Variants in AGBL4 observed in about 807,000 individuals in gnomAD.
The protein encoded by AGBL4 is AGBL carboxypeptidase 4, also known as cytosolic carboxypeptidase 6.
AGBL4 carries 58 observed loss-of-function variants against 66.4 expected under a neutral mutation model. The observed-to-expected ratio is 0.87, with a 90% CI of 0.71 to 1.09. The LOEUF is 1.09. Among genes scored for constraint, AGBL4 ranks in the 50% least tolerant of loss-of-function variants. The probability of loss-of-function intolerance (pLI) is 0.00; values close to 1 mark genes in which losing one functional copy is unlikely to be tolerated. For missense variants in AGBL4, 579 were observed against 631.0 expected (o/e 0.92, Z 0.88); for synonymous variants, 234 against 222.9 (o/e 1.05, Z -0.44).
At chr1:49,980,338 A>G (rs1658957411) in intron 1 of AGBL4, among the ~76,000 whole-genome samples, 1 of 152,240 alleles carries the variant, frequency 6.6e-6, no homozygotes, top group Non-Finnish European at 1.5e-5. Context: ...TCATATTATC[A>G]TGCAACAGAT....
intron 3 of AGBL4, among the ~76,000 whole-genome samples, chr1:49,417,084 C>A (rs1645442977): frequency 6.6e-6 from 1 of 151,974 alleles, no homozygotes; most frequent in African/African-American, 2.4e-5. Flanking sequence ...ACATGTGTTA[C>A]AATTGACAAT....
intron 5 of AGBL4, among the ~76,000 whole-genome samples, chr1:48,885,378 T>C (rs1465649656): frequency 6.6e-6 from 1 of 152,174 alleles, no homozygotes; most frequent in African/African-American, 2.4e-5. Context: ...GTTTAAAATA[T>C]TTACTCTATT....
intron 11 of AGBL4, chr1:48,585,640 T>C (rs1448713135): frequency 1.3e-5 from 2 of 152,236 alleles, no homozygotes; most frequent in African/African-American, 4.8e-5. Context: ...TCAGTCTTGA[T>C]GACTGTACAT....
chr1:49,741,386 C>A (rs1335030582), intron 2 of AGBL4, among the ~76,000 whole-genome samples: 4 of 152,012 alleles, frequency 2.6e-5, no homozygotes, highest in Non-Finnish European at 5.9e-5. Context: ...CAATAACAGG[C>A]TCTGAAATTG....
At chr1:49,415,331 C>G (rs1403467996) in intron 3 of AGBL4, among the ~76,000 whole-genome samples, 1 of 152,066 alleles carries the variant, frequency 6.6e-6, no homozygotes. Flanking sequence ...TAATTGATTG[C>G]TTTAAAATAT....
chr1:49,958,068 C>A (rs985266547), intron 1 of AGBL4, among the ~76,000 whole-genome samples: 1 of 152,012 alleles, frequency 6.6e-6, no homozygotes, highest in African/African-American at 2.4e-5. Context: ...GTGACAAAAT[C>A]TCTCAGCATT....
At chr1:48,986,303 A>G (rs1191383196) in intron 5 of AGBL4, among the ~76,000 whole-genome samples, 3 of 152,098 alleles carry the variant, frequency 2.0e-5, no homozygotes, top group Non-Finnish European at 2.9e-5. Flanking sequence ...AAACTGGCTG[A>G]TTAAAGAAAC....
At chr1:48,525,326 C>G in the AGBL4 span, among the ~76,000 whole-genome samples, 1,428 of 152,252 alleles carry the variant, frequency 9.4e-3, 14 homozygotes, top group Middle Eastern at 0.014. Context: ...CCAGGAAAGA[C>G]TTCCTGAAGG....
At chr1:48,898,882 G>GCGTC (rs1428411371) in intron 5 of AGBL4, among the ~76,000 whole-genome samples, 1 of 152,192 alleles carries the variant, frequency 6.6e-6, no homozygotes, top group Non-Finnish European at 1.5e-5. Flanking sequence ...TTTGTCAAGA[G>GCGTC]CGTCGCTCTC....
chr1:49,437,982 A>G (rs1025982527), intron 3 of AGBL4, among the ~76,000 whole-genome samples: 1 of 152,186 alleles, frequency 6.6e-6, no homozygotes, highest in Non-Finnish European at 1.5e-5. Flanking sequence ...TAAATAAACC[A>G]GGTACTACTT....
intron 6 of AGBL4, among the ~76,000 whole-genome samples, chr1:48,754,315 C>T (rs1652195915): frequency 6.6e-6 from 1 of 152,158 alleles, no homozygotes; most frequent in Non-Finnish European, 1.5e-5. Context: ...TCTGTGGCTG[C>T]CAACACCCGG....
chr1:49,657,182 CA>C (rs1398034685), intron 3 of AGBL4, among the ~76,000 whole-genome samples: 1 of 152,130 alleles, frequency 6.6e-6, no homozygotes, highest in Non-Finnish European at 1.5e-5. Flanking sequence ...AATCAATGTG[CA>C]AAAATCACAA....
At chr1:49,109,983 C>T (rs1351596171) in intron 4 of AGBL4, among the ~76,000 whole-genome samples, 2 of 152,170 alleles carry the variant, frequency 1.3e-5, no homozygotes, top group Non-Finnish European at 2.9e-5. Flanking sequence ...ATCTCTCCCC[C>T]ATCAACACAC....
At chr1:49,804,088 C>T (rs1395277385) in intron 2 of AGBL4, among the ~76,000 whole-genome samples, 3 of 152,136 alleles carry the variant, frequency 2.0e-5, no homozygotes, top group Non-Finnish European at 4.4e-5. Context: ...TAAAATGTGG[C>T]TGTTACAGCT....
chr1:49,337,767 A>G (rs756683343), intron 3 of AGBL4, among the ~76,000 whole-genome samples: 1 of 152,216 alleles, frequency 6.6e-6, no homozygotes, highest in Non-Finnish European at 1.5e-5. Context: ...ATGGATTTCA[A>G]TGATAGTCTG....
At chr1:49,780,365 C>T (rs1000411640) in intron 2 of AGBL4, among the ~76,000 whole-genome samples, 2 of 151,732 alleles carry the variant, frequency 1.3e-5, no homozygotes, top group African/African-American at 4.8e-5. Flanking sequence ...CAAAGCTGTA[C>T]TGGAAAAGAA....
At chr1:49,495,498 A>T (rs1352079830) in intron 3 of AGBL4, among the ~76,000 whole-genome samples, 2 of 151,934 alleles carry the variant, frequency 1.3e-5, no homozygotes, top group Non-Finnish European at 2.9e-5. Context: ...GTTAGCACAG[A>T]CCATGTTCGT....
chr1:48,623,593 A>G (rs1645451055), intron 9 of AGBL4, among the ~76,000 whole-genome samples: 2 of 152,266 alleles, frequency 1.3e-5, no homozygotes, highest in African/African-American at 4.8e-5. Flanking sequence ...GAAGTGCAAT[A>G]TGCTATTTGA....
intron 3 of AGBL4, among the ~76,000 whole-genome samples, chr1:49,537,066 CTG>C (rs1331323043): frequency 1.3e-5 from 2 of 150,914 alleles, no homozygotes; most frequent in Admixed American, 6.6e-5. Context: ...AGTCAATAAA[CTG>C]TGCTGGGAAA....
Sources: allele counts gnomAD v4.1 joint callset (sites outside exome capture counted in the v4.1 genomes callset), GRCh38; gene constraint gnomAD v4.1.1; transcripts MANE v1.5; gene names NCBI Gene and HGNC (gene_info 2026-07-23, HGNC 2026-07-21).